Variants in EXOC6 observed in about 807,000 individuals in gnomAD.
The protein encoded by EXOC6 is exocyst complex component 6, also known as SEC15-like 1.
In EXOC6, 60 loss-of-function variants were observed where a neutral mutation model predicts 112.5. That is an observed-to-expected ratio of 0.53 (90% confidence interval 0.43 to 0.66). The LOEUF (loss-of-function observed/expected upper bound fraction) is 0.66, where lower values mean the gene tolerates loss of function less well. Ranked by LOEUF, EXOC6 falls within the 30% of genes least tolerant of loss-of-function variation. The probability of loss-of-function intolerance (pLI) is 0.00; values close to 1 mark genes in which losing one functional copy is unlikely to be tolerated. For missense variants in EXOC6, 855 were observed against 957.1 expected (o/e 0.89, Z 1.41); for synonymous variants, 295 against 308.0 (o/e 0.96, Z 0.44).
intron 4 of EXOC6, among the ~76,000 whole-genome samples, chr10:92,896,727 A>T: frequency 6.6e-6 from 1 of 150,618 alleles, no homozygotes; most frequent in African/African-American, 2.4e-5. Flanking sequence ...GGCTAATTTC[A>T]GTATTTTTGG....
chr10:92,964,944 T>G (rs1301373102), intron 17 of EXOC6, among the ~76,000 whole-genome samples: 1 of 152,208 alleles, frequency 6.6e-6, no homozygotes, highest in Non-Finnish European at 1.5e-5. Flanking sequence ...CACATCGTCA[T>G]GTCCTGTCAT....
rs771410562 is a variant in EXOC6 at position 92,894,942 on chromosome 10, A to C, written c.334A>C (p.Thr112Pro). 5 of 1,611,932 alleles carry C rather than the reference A, an allele frequency of 3.1e-6. No homozygotes were observed. The highest frequency in any genetic ancestry group is 4.2e-6 in the Non-Finnish European group (5 of 1,178,172). ...CTTCTTTTCTAAGGTGATAGTCCACACAGAAGATATCATTCGATGTAGAAT... is the reference window on the plus strand; with the variant it reads ...CTTCTTTTCTAAGGTGATAGTCCACCCAGAAGATATCATTCGATGTAGAAT... ...QDAGKEVIVHTEDIIRCRIQQ... is the reference protein window; with the variant it reads ...QDAGKEVIVHPEDIIRCRIQQ... Residue 112 changes from threonine to proline, a missense_variant, in exon 4 of 22, where the codon ACA becomes CCA. This residue lies in a region of EXOC6 where 405 missense variants were observed against 393.6 expected (regional missense o/e 1.03). Transcript: ENST00000260762.
At chr10:92,827,089 A>G (rs1444301956) in intron 1 of EXOC6, among the ~76,000 whole-genome samples, 3 of 152,218 alleles carry the variant, frequency 2.0e-5, no homozygotes, top group Non-Finnish European at 4.4e-5. Context: ...TGAATGAATA[A>G]CAGTTTCCTA....
intron 20 of EXOC6, among the ~76,000 whole-genome samples, chr10:93,032,248 G>T (rs886722821): frequency 4.6e-5 from 7 of 152,088 alleles, no homozygotes; most frequent in African/African-American, 1.4e-4. Flanking sequence ...GAGTCAGGAG[G>T]ATTGCTTGAG....
chr10:92,987,688 G>C (rs1843065797), intron 18 of EXOC6: 1 of 902,900 alleles, frequency 1.1e-6, no homozygotes, highest in Non-Finnish European at 1.3e-6. Flanking sequence ...AGAAAATAAT[G>C]AATTTCCTGC....
chr10:92,909,606 A>T lies in EXOC6; in HGVS notation c.638A>T (p.Lys213Ile). The change falls in exon 6 of 22, where the codon AAA becomes ATA. Residue 213 changes from lysine (K) to isoleucine (I), a missense_variant. Physicochemically the swap from Lys to Ile is moderately radical, Grantham distance 102 (BLOSUM62 -3). Coordinates refer to ENST00000260762, the MANE Select transcript of EXOC6 (RefSeq NM_019053.6). ...GAAAGTATTCGAAAACATTCTGACA[A>T]AATAGGTGAAACAGCAATGAAACAG... ...FLESIRKHSD[K>I]IGETAMKQAQ... 6.2e-7 allele frequency: 1 copy of T among 1,610,034 alleles called. No homozygotes were observed. Among genetic ancestry groups the T allele is most frequent in the Non-Finnish European group, 8.5e-7 (1 of 1,177,206 alleles).
rs566466652 is a variant in EXOC6, at chr10:92,974,613, C to T, written c.1953+381C>T. ...CTCTTTCCACGTCTCCCTCTGATGC[C>T]GAGCCGAAGCTGCACTGTACTGCTG... On this transcript the variant is annotated intron_variant, in intron 18 of 21. Transcript: ENST00000260762. 4.5e-4 allele frequency among the ~76,000 whole-genome samples: 68 copies of T among 151,782 alleles called. No homozygotes were observed. In the South Asian group the frequency reaches 0.011, roughly 25 times the overall value.
upstream of EXOC6, among the ~76,000 whole-genome samples, chr10:92,846,408 C>T (rs115720560): frequency 0.015 from 2,229 of 152,300 alleles, 55 homozygotes; most frequent in African/African-American, 0.051. Flanking sequence ...ACCGCAGCCT[C>T]GAACTCCTGG....
In EXOC6 at chr10:92,854,309, C is replaced by T. The variant is rs745653300; in HGVS notation, c.101+5675C>T. ...AAAATTAGCTGGGCTTGGTAGCACA[C>T]GCCTGTAGTCCCAGCTACTTGGGAG... On this transcript the variant is annotated intron_variant, in intron 1 of 21. Transcript: ENST00000260762. Among the ~76,000 whole-genome samples the T allele has an allele frequency of 3.9e-5, 6 of 151,922 alleles. 1 individual carries two copies. The highest frequency in any genetic ancestry group is 1.9e-4 in the East Asian group (1 of 5,150).
chr10:92,885,626 C>T (rs2133785186), intron 1 of EXOC6, among the ~76,000 whole-genome samples: 1 of 152,234 alleles, frequency 6.6e-6, no homozygotes, highest in East Asian at 1.9e-4. Context: ...ATCCACCCAC[C>T]TAAGCCTCCC....
At chr10:93,018,509 A>G (rs1038130513) in intron 20 of EXOC6, among the ~76,000 whole-genome samples, 8 of 151,974 alleles carry the variant, frequency 5.3e-5, no homozygotes, top group Non-Finnish European at 1.0e-4. Context: ...TTTTTTCCTC[A>G]TCCATGCTCC....
chr10:92,847,362 C>T (rs542168590), upstream of EXOC6, among the ~76,000 whole-genome samples: 27 of 152,286 alleles, frequency 1.8e-4, no homozygotes, highest in African/African-American at 5.8e-4. Flanking sequence ...TTAATGTCTT[C>T]GGACACTGGT....
At chr10:93,011,521 A>G (rs1447791530) in intron 19 of EXOC6, among the ~76,000 whole-genome samples, 1 of 152,050 alleles carries the variant, frequency 6.6e-6, no homozygotes, top group Non-Finnish European at 1.5e-5. Flanking sequence ...TTGGCTTCCC[A>G]AAATACTAGG....
At chr10:92,985,447 C>T (rs542401572) in intron 18 of EXOC6, among the ~76,000 whole-genome samples, 1 of 152,198 alleles carries the variant, frequency 6.6e-6, no homozygotes, top group South Asian at 2.1e-4. Flanking sequence ...CCCACATACA[C>T]CTTCATTTTT....
At chr10:92,955,333 A>C (rs1326957716) in intron 16 of EXOC6, among the ~76,000 whole-genome samples, 2 of 152,078 alleles carry the variant, frequency 1.3e-5, no homozygotes, top group Non-Finnish European at 1.5e-5. Flanking sequence ...ACATACTATG[A>C]AAAGTTATTT....
chr10:92,950,617 C>T (rs1853352600), intron 14 of EXOC6, among the ~76,000 whole-genome samples: 1 of 151,738 alleles, frequency 6.6e-6, no homozygotes, highest in South Asian at 2.1e-4. Context: ...TGCAGAAAGG[C>T]TGCATAAAGG....
rs529830418 is a variant in EXOC6 at position 93,053,415 on chromosome 10, T to A, written c.2170-3509T>A. Among the ~76,000 whole-genome samples the A allele has an allele frequency of 2.6e-5, 4 of 152,358 alleles. No homozygotes were observed. In the South Asian group the frequency reaches 8.3e-4, roughly 32 times the overall value. On this transcript the variant is annotated intron_variant, in intron 20 of 21. Transcript: ENST00000260762. The stretch of plus-strand genomic sequence containing the variant: ...AAGTGAAAAATGACCTTATAATTGT[T>A]ATGCGTGAAGGAGACTGATAGACAA...
intron 19 of EXOC6, among the ~76,000 whole-genome samples, chr10:93,011,398 T>C (rs996271526): frequency 6.6e-6 from 1 of 152,034 alleles, no homozygotes; most frequent in Non-Finnish European, 1.5e-5. Flanking sequence ...GTGGAACTAC[T>C]ACAGGTGCAT....
intron 20 of EXOC6, among the ~76,000 whole-genome samples, chr10:93,052,092 G>C (rs1846318016): frequency 6.6e-6 from 1 of 152,128 alleles, no homozygotes; most frequent in Non-Finnish European, 1.5e-5. Context: ...CTGCCCCTGA[G>C]GTGCTTCAAA....
Sources: allele counts gnomAD v4.1 joint callset (sites outside exome capture counted in the v4.1 genomes callset), GRCh38; gene constraint gnomAD v4.1.1; regional missense constraint gnomAD v4.1.1; transcripts MANE v1.5; gene names NCBI Gene and HGNC (gene_info 2026-07-23, HGNC 2026-07-21).